The following CNTNAP2 variants were observed in gnomAD, a reference collection of about 807,000 sequenced individuals.
CNTNAP2 encodes contactin-associated protein-like 2.
In CNTNAP2, 98 loss-of-function variants were observed where a neutral mutation model predicts 155.2. The ratio of observed to expected loss-of-function variants is 0.63; its 90% CI spans 0.54 to 0.75. CNTNAP2 has a LOEUF of 0.75. Among genes scored for constraint, CNTNAP2 ranks in the 30% least tolerant of loss-of-function variants. The pLI is 0.00. For synonymous variants in CNTNAP2, 651 were observed against 631.2 expected, an observed-to-expected ratio of 1.03 and a Z score of -0.47; for missense variants, 1,727 against 1,688.1, an observed-to-expected ratio of 1.02 and a Z score of -0.40.
chr7:148,038,425 C>T (rs1287206273), intron 15 of CNTNAP2, among the ~76,000 whole-genome samples: 1 of 152,222 alleles, frequency 6.6e-6, no homozygotes, highest in Non-Finnish European at 1.5e-5. Flanking sequence ...TCAACACCCC[C>T]TCTTTGTCCC....
intron 1 of CNTNAP2, among the ~76,000 whole-genome samples, chr7:146,390,625 T>C (rs1441632006): frequency 6.8e-6 from 1 of 147,470 alleles, no homozygotes; most frequent in Non-Finnish European, 1.5e-5. Context: ...ATTTTTTTCA[T>C]GAAATAAAAA....
chr7:146,349,068 C>G (rs1794872981), intron 1 of CNTNAP2, among the ~76,000 whole-genome samples: 1 of 152,092 alleles, frequency 6.6e-6, no homozygotes, highest in African/African-American at 2.4e-5. Flanking sequence ...TACCACAAGG[C>G]CTGGGCCCTT....
intron 1 of CNTNAP2, among the ~76,000 whole-genome samples, chr7:146,456,404 C>A (rs1478570380): frequency 6.6e-6 from 1 of 152,090 alleles, no homozygotes; most frequent in Non-Finnish European, 1.5e-5. Flanking sequence ...AAGCAAGTTG[C>A]TTGACAGAAC....
chr7:146,525,846 C>A (rs1329091493), intron 1 of CNTNAP2, among the ~76,000 whole-genome samples: 1 of 152,064 alleles, frequency 6.6e-6, no homozygotes. Context: ...CTTACCTCAT[C>A]AGTGCAGCTC....
intron 14 of CNTNAP2, among the ~76,000 whole-genome samples, chr7:147,915,692 G>A (rs1445806152): frequency 7.5e-6 from 1 of 132,768 alleles, no homozygotes; most frequent in Middle Eastern, 3.4e-3. Flanking sequence ...TTTTCATTCA[G>A]TTAAGCTTTG....
At chr7:147,702,209 A>T (rs909259195) in intron 13 of CNTNAP2, among the ~76,000 whole-genome samples, 1 of 152,058 alleles carries the variant, frequency 6.6e-6, no homozygotes, top group African/African-American at 2.4e-5. Context: ...CCTCTACAAG[A>T]TATGACTCTG....
intron 1 of CNTNAP2, among the ~76,000 whole-genome samples, chr7:146,251,464 T>G (rs1363761126): frequency 1.3e-5 from 2 of 152,186 alleles, no homozygotes; most frequent in Non-Finnish European, 2.9e-5. Context: ...CCTTGTGTAA[T>G]TTTATAATAA....
chr7:146,713,316 T>G (rs550500642), intron 1 of CNTNAP2, among the ~76,000 whole-genome samples: 1 of 152,254 alleles, frequency 6.6e-6, no homozygotes, highest in East Asian at 1.9e-4. Context: ...ACAGCTGCAG[T>G]TATTAATTAG....
chr7:146,135,564 T>C (rs1797785479), intron 1 of CNTNAP2, among the ~76,000 whole-genome samples: 1 of 152,092 alleles, frequency 6.6e-6, no homozygotes, highest in African/African-American at 2.4e-5. Context: ...CCAGGTTATT[T>C]ATGAAGTTTA....
intron 8 of CNTNAP2, among the ~76,000 whole-genome samples, chr7:147,188,121 A>G (rs1802605768): frequency 6.6e-6 from 1 of 152,216 alleles, no homozygotes; most frequent in African/African-American, 2.4e-5. Flanking sequence ...TTCCTCCAAG[A>G]GGGCACTAGA....
chr7:147,557,933 C>T (rs1165190873), intron 11 of CNTNAP2, among the ~76,000 whole-genome samples: 2 of 152,080 alleles, frequency 1.3e-5, no homozygotes, highest in African/African-American at 2.4e-5. Context: ...CGGTAAATGA[C>T]AGAAAGGAGA....
intron 10 of CNTNAP2, among the ~76,000 whole-genome samples, chr7:147,400,921 C>T (rs1394294041): frequency 2.6e-5 from 4 of 152,148 alleles, no homozygotes; most frequent in African/African-American, 9.7e-5. Flanking sequence ...TGCCCTTTCC[C>T]TAGTCCCCAC....
At chr7:148,165,788 G>A (rs997187182) in intron 17 of CNTNAP2, among the ~76,000 whole-genome samples, 17 of 151,886 alleles carry the variant, frequency 1.1e-4, no homozygotes, top group Admixed American at 1.1e-3. Context: ...TGGCATCATC[G>A]TGCAGCTATT....
At chr7:147,018,825 A>G (rs1036595044) in intron 3 of CNTNAP2, among the ~76,000 whole-genome samples, 8 of 151,990 alleles carry the variant, frequency 5.3e-5, no homozygotes, top group African/African-American at 1.9e-4. Context: ...TGAACCTGCT[A>G]GTTCCCTTGA....
intron 1 of CNTNAP2, among the ~76,000 whole-genome samples, chr7:146,675,724 C>T (rs1465785367): frequency 6.6e-6 from 1 of 152,112 alleles, no homozygotes; most frequent in Non-Finnish European, 1.5e-5. Context: ...CCTTCACACA[C>T]TTTCACTAGT....
chr7:147,597,096 G>A (rs1428821812), intron 12 of CNTNAP2, among the ~76,000 whole-genome samples: 1 of 152,142 alleles, frequency 6.6e-6, no homozygotes, highest in Non-Finnish European at 1.5e-5. Context: ...GCAACCATCA[G>A]CCCTCAGGGC....
At chr7:147,757,567 A>G (rs1238246443) in intron 13 of CNTNAP2, among the ~76,000 whole-genome samples, 1 of 152,094 alleles carries the variant, frequency 6.6e-6, no homozygotes, top group Non-Finnish European at 1.5e-5. Context: ...TAAAATAAAA[A>G]ACTAATGCCT....
intron 1 of CNTNAP2, among the ~76,000 whole-genome samples, chr7:146,531,499 A>G (rs1797768675): frequency 6.6e-6 from 1 of 152,160 alleles, no homozygotes. Context: ...TGCCTGGAAG[A>G]CATAGATTGG....
chr7:146,822,781 TC>T (rs1327056211), intron 2 of CNTNAP2, among the ~76,000 whole-genome samples: 5 of 148,166 alleles, frequency 3.4e-5, no homozygotes, highest in Admixed American at 6.8e-5. Context: ...ATATACTCAT[TC>T]TTCAGCATAT....
Sources: allele counts gnomAD v4.1 joint callset (sites outside exome capture counted in the v4.1 genomes callset), GRCh38; gene constraint gnomAD v4.1.1; transcripts MANE v1.5; gene names NCBI Gene and HGNC (gene_info 2026-07-23, HGNC 2026-07-21).